Variants in DESI1 observed in about 807,000 individuals in gnomAD.
The protein encoded by DESI1 is PPPDE peptidase domain containing 2.
A neutral mutation model predicts 22.4 loss-of-function variants in DESI1; 17 were observed. The observed-to-expected ratio is 0.76, with a 90% confidence interval of 0.52 to 1.14. The LOEUF (loss-of-function observed/expected upper bound fraction) is 1.14. Among genes scored for constraint, DESI1 ranks in the 50% most tolerant of loss-of-function variants. The pLI is 0.00. For synonymous variants in DESI1, 92 were observed against 84.2 expected, an observed-to-expected ratio of 1.09 and a Z score of -0.51; for missense variants, 177 against 208.9, an observed-to-expected ratio of 0.85 and a Z score of 0.94.
At chr22:41,609,290 G>A (rs2067502244) in intron 1 of DESI1, among the ~76,000 whole-genome samples, 1 of 152,172 alleles carries the variant, frequency 6.6e-6, no homozygotes. Flanking sequence ...TTCAGATCCT[G>A]GATTTTCCAC....
At position 41,614,063 on chromosome 22, in the gene DESI1, G is replaced by A. The variant is rs370599150; in HGVS notation, c.89-6202C>T. Among the ~76,000 whole-genome samples the A allele has an allele frequency of 7.3e-5, 11 of 151,686 alleles. No homozygotes were observed. In the East Asian group the frequency reaches 1.7e-3, roughly 24 times the overall value. On this transcript the variant is annotated intron_variant, in intron 1 of 5. Transcript: ENST00000263256. ...TCTTTCTTTTTTTTTTTAAGACGGA[G>A]TCTCGCTCTGTTGTCCAGGCTGGGG...
rs2067446574 is a variant in DESI1 at position 41,600,988 on chromosome 22, C to T, written c.*109G>A. ...TTCCCTGGGAAATTTAAAAAGCCGT[C>T]CCCTGGTTGTTAGCTCTGATGTAAA... On this transcript the variant is annotated 3_prime_UTR_variant, in exon 6 of 6. Coordinates refer to ENST00000263256, the MANE Select transcript of DESI1 (RefSeq NM_015704.3). 9.7e-7 allele frequency: 1 copy of T among 1,033,398 alleles called. No homozygotes were observed. The highest frequency in any genetic ancestry group is 1.4e-5 in the South Asian group (1 of 70,048). 64.0% of individuals were successfully genotyped at this position (1,033,398 alleles called of 1,614,324 possible). A position where few individuals can be genotyped will look rare whatever the true frequency, so the allele number is the denominator to read the frequency against.
intron 1 of DESI1, among the ~76,000 whole-genome samples, chr22:41,609,187 C>CT (rs1378841790): frequency 6.6e-6 from 1 of 152,138 alleles, no homozygotes; most frequent in Non-Finnish European, 1.5e-5. Flanking sequence ...AGTGATCCAC[C>CT]TGCCTCAGCC....
intron 1 of DESI1, among the ~76,000 whole-genome samples, 196 bp from the exon 2 acceptor site, chr22:41,608,057 C>G (rs1037018528): frequency 6.6e-6 from 1 of 152,192 alleles, no homozygotes; most frequent in African/African-American, 2.4e-5. Flanking sequence ...TAATGAGAGT[C>G]TTTTATCAGA....
chr22:41,605,049 A>G (rs576393252), intron 3 of DESI1, among the ~76,000 whole-genome samples: 1 of 152,368 alleles, frequency 6.6e-6, no homozygotes, highest in African/African-American at 2.4e-5. Flanking sequence ...AGTATGTCTC[A>G]TCATGAGGAC....
chr22:41,601,057 G>T lies in DESI1; in HGVS notation c.*40C>A, dbSNP rs773008781. 4.5e-6 allele frequency: 7 copies of T among 1,560,848 alleles called. No homozygotes were observed. The highest frequency in any genetic ancestry group is 6.2e-6 in the Non-Finnish European group (7 of 1,137,430). On this transcript the variant is annotated 3_prime_UTR_variant, in exon 6 of 6. Coordinates refer to ENST00000263256, the MANE Select transcript of DESI1 (RefSeq NM_015704.3). ...GGTAGGGTTTGTTTTGTTTAAAAAG[G>T]AAAAGCCCTGGTGAGGCAGGGCGGT... is the stretch of plus-strand genomic sequence containing the variant.
intron 1 of DESI1, among the ~76,000 whole-genome samples, chr22:41,610,001 AC>A (rs1293610141): frequency 6.6e-6 from 1 of 151,142 alleles, no homozygotes; most frequent in Non-Finnish European, 1.5e-5. Flanking sequence ...AATCGCCTGA[AC>A]CCAGGAGGCA....
chr22:41,613,739 A>G (rs1033662194), intron 1 of DESI1, among the ~76,000 whole-genome samples: 2 of 152,202 alleles, frequency 1.3e-5, no homozygotes, highest in African/African-American at 2.4e-5. Context: ...TCAGATGCGC[A>G]TGCTCACTGA....
intron 1 of DESI1, among the ~76,000 whole-genome samples, chr22:41,615,319 G>C (rs1448495517): frequency 6.8e-6 from 1 of 147,778 alleles, no homozygotes; most frequent in Non-Finnish European, 1.5e-5. Context: ...GGTGGCGGGC[G>C]CCTGTAATCC....
rs2067435330 is a variant in DESI1, at chr22:41,599,035, A to G, written c.*2062T>C. 1 of 152,208 alleles carries G rather than the reference A, an allele frequency of 6.6e-6. No individual in the cohort carries two copies. The highest frequency in any genetic ancestry group is 1.5e-5 in the Non-Finnish European group (1 of 68,058). The allele number at this position is 152,208 out of a possible 1,614,324, so 9.4% of individuals were successfully genotyped here. On this transcript the variant is annotated 3_prime_UTR_variant, in exon 6 of 6. Coordinates refer to ENST00000263256, the MANE Select transcript of DESI1 (RefSeq NM_015704.3). ...CATGCCCCTGGTCAGGTCGCAGGCA[A>G]ACACTAAGGCAGAATGACAGCTCCT...
rs1021826272 is a variant in DESI1 at position 41,602,595 on chromosome 22, G to C, written c.413+664C>G. ...GAATAAGCAAATAGACATGGTCCTGGAATGAGCAGAGGCTGCCTGAATGCA... is the reference window on the plus strand; with the variant it reads ...GAATAAGCAAATAGACATGGTCCTGCAATGAGCAGAGGCTGCCTGAATGCA... On this transcript the variant is annotated intron_variant, in intron 5 of 5. Transcript: ENST00000263256. 12 of 986,172 alleles carry C rather than the reference G, an allele frequency of 1.2e-5. No individual in the cohort carries two copies. In the African/African-American group the frequency reaches 1.9e-4, roughly 16 times the overall value. 61.1% of individuals were successfully genotyped at this position (986,172 alleles called of 1,614,324 possible).
intron 1 of DESI1, among the ~76,000 whole-genome samples, chr22:41,615,393 C>G (rs1006517760): frequency 5.3e-5 from 8 of 151,534 alleles, no homozygotes; most frequent in African/African-American, 1.7e-4. Context: ...CCACTGCACT[C>G]CAGCCTGGGC....
chr22:41,620,625 G>T, intron 1 of DESI1, 127 bp downstream of exon 1: 1 of 917,358 alleles, frequency 1.1e-6, no homozygotes, highest in Non-Finnish European at 1.6e-6. Flanking sequence ...TCTCCACTCG[G>T]CTTTTCTTCC....
chr22:41,608,893 G>A lies in DESI1; in HGVS notation c.89-1032C>T, dbSNP rs372795906. On this transcript the variant is annotated intron_variant, in intron 1 of 5. Transcript: ENST00000263256. ...CTCACTCCTGCTTATCACTTCACAC[G>A]GCGACATGGCAGATTACTGATTGCT... 1.2e-3 allele frequency among the ~76,000 whole-genome samples: 188 copies of A among 152,236 alleles called. 1 individual carries two copies. The highest frequency in any genetic ancestry group is 4.3e-3 in the African/African-American group (178 of 41,530).
rs547082972 is a variant in DESI1, at chr22:41,609,263, T to C, written c.89-1402A>G. 3.3e-5 allele frequency among the ~76,000 whole-genome samples: 5 copies of C among 152,276 alleles called. No individual in the cohort carries two copies. In the South Asian group the frequency reaches 8.3e-4, roughly 25 times the overall value. ...TTGGCATAGCATCCTCAGAGATAGT[T>C]AAGGGGACCATATGGGTTCAGATCC... On this transcript the variant is annotated intron_variant, in intron 1 of 5. Transcript: ENST00000263256.
At chr22:41,607,421 C>T (rs1206092459) in intron 2 of DESI1, 90 bp from the exon 3 acceptor site, 9 of 1,294,234 alleles carry the variant, frequency 7.0e-6, no homozygotes, top group Non-Finnish European at 8.5e-6. Context: ...AATTTCTGCC[C>T]AAGGATAGGA....
At chr22:41,620,317 G>T (rs2067578713) in intron 1 of DESI1, among the ~76,000 whole-genome samples, 1 of 152,000 alleles carries the variant, frequency 6.6e-6, no homozygotes, top group African/African-American at 2.4e-5. Context: ...CCCGACCTCC[G>T]CAGTGTCTCT....
intron 2 of DESI1, 92 bp from the exon 3 acceptor site, chr22:41,607,423 A>G (rs1401811447): frequency 7.9e-7 from 1 of 1,267,868 alleles, no homozygotes; most frequent in Non-Finnish European, 1.1e-6. Flanking sequence ...TTTCTGCCCA[A>G]GGATAGGACT....
chr22:41,600,854 T>C lies in DESI1; in HGVS notation c.*243A>G. ...GACGCTTAGGAAACAGCATCCGAAG[T>C]GAACGCACAGACAAGACAGCCTTAA... On this transcript the variant is annotated 3_prime_UTR_variant, in exon 6 of 6. Transcript: ENST00000263256. 1 of 450,114 alleles carries C rather than the reference T, an allele frequency of 2.2e-6. No individual in the cohort carries two copies. Among genetic ancestry groups the C allele is most frequent in the East Asian group, 4.3e-5 (1 of 23,266 alleles). 27.9% of individuals were successfully genotyped at this position (450,114 alleles called of 1,614,324 possible).
Sources: allele counts gnomAD v4.1 joint callset (sites outside exome capture counted in the v4.1 genomes callset), GRCh38; gene constraint gnomAD v4.1.1; transcripts MANE v1.5; gene names NCBI Gene and HGNC (gene_info 2026-07-23, HGNC 2026-07-21).